KIF1B: variants seen among roughly 807,000 people sequenced by gnomAD.
The protein encoded by KIF1B is kinesin family member 1B.
A neutral mutation model predicts 241.9 loss-of-function variants in KIF1B; 76 were observed. The ratio of observed to expected loss-of-function variants is 0.31; its 90% CI spans 0.26 to 0.38. KIF1B has a LOEUF of 0.38. Among genes scored for constraint, KIF1B ranks in the 10% least tolerant of loss-of-function variants. KIF1B has a pLI of 1.00. For missense variants in KIF1B, 1,622 were observed against 2,271.4 expected, an observed-to-expected ratio of 0.71 and a Z score of 5.81; for synonymous variants, 750 against 796.7, an observed-to-expected ratio of 0.94 and a Z score of 0.99.
At chr1:10,256,588 A>G (rs75905740) in intron 3 of KIF1B, among the ~76,000 whole-genome samples, 3,893 of 152,180 alleles carry the variant, frequency 0.026, 67 homozygotes, top group South Asian at 0.062. Flanking sequence ...TACTGAATGT[A>G]CACTAAATTT....
At chr1:10,294,729 G>T (rs1051336857) in intron 17 of KIF1B, among the ~76,000 whole-genome samples, 2 of 152,100 alleles carry the variant, frequency 1.3e-5, no homozygotes, top group Non-Finnish European at 2.9e-5. Flanking sequence ...TTAGCCAGGC[G>T]TGGTGGCGAA....
At position 10,379,064 on chromosome 1, in the gene KIF1B, G is replaced by A. The variant is rs1638959351; in HGVS notation, c.*2477G>A. Reference sequence around the variant, plus strand: ...TGCTTAGAGATGGCTGCCTGGACTGGAATCAAATCTAATTTCAGGGAAATG... The same window carrying A: ...TGCTTAGAGATGGCTGCCTGGACTGAAATCAAATCTAATTTCAGGGAAATG... On this transcript the variant is annotated 3_prime_UTR_variant, in exon 49 of 49. Coordinates refer to ENST00000676179, the MANE Select transcript of KIF1B (RefSeq NM_001365951.3). The A allele has an allele frequency of 4.3e-6, 1 of 231,022 alleles. No homozygotes were observed. The highest frequency in any genetic ancestry group is 2.2e-5 in the African/African-American group (1 of 45,204). 14.3% of individuals were successfully genotyped at this position (231,022 alleles called of 1,614,324 possible).
chr1:10,282,241 A>C, intron 14 of KIF1B, 81 bp from the exon 15 acceptor site: 48 of 1,044,094 alleles, frequency 4.6e-5, no homozygotes, highest in Non-Finnish European at 6.4e-5. Flanking sequence ...TTACAACGAT[A>C]TTCCTTCCTG....
At chr1:10,263,622 T>C (rs1046631562) in intron 5 of KIF1B, among the ~76,000 whole-genome samples, 2 of 152,224 alleles carry the variant, frequency 1.3e-5, no homozygotes, top group Non-Finnish European at 2.9e-5. Context: ...CTTGTGACTG[T>C]CATACACCAA....
chr1:10,305,637 T>C (rs1279267350), intron 22 of KIF1B: 1 of 1,056,524 alleles, frequency 9.5e-7, no homozygotes, highest in South Asian at 4.6e-5. Flanking sequence ...AAGGAGATGA[T>C]ACATAATAAA....
At chr1:10,247,374 C>T (rs1414267430) in intron 2 of KIF1B, among the ~76,000 whole-genome samples, 7 of 152,034 alleles carry the variant, frequency 4.6e-5, no homozygotes, top group African/African-American at 1.7e-4. Flanking sequence ...TCTAAAATAG[C>T]CACTTCTACC....
Position 10,338,670 on chromosome 1 carries a change from G to A in KIF1B, c.3423-1099G>A, listed in dbSNP as rs936020950. Among the ~76,000 whole-genome samples, 14 of 152,338 alleles carry A rather than the reference G, an allele frequency of 9.2e-5. No individual in the cohort carries two copies. The East Asian group carries it at 2.5e-3, about 27-fold the overall frequency. On this transcript the variant is annotated intron_variant, in intron 31 of 48. Transcript: ENST00000676179. ...CTAAAAAGAGCAGCATCTCTACCTG[G>A]TGTTAGCTCTGGGGAAAAGGGCATG...
chr1:10,305,297 C>A (rs1277703226), intron 22 of KIF1B: 3 of 1,044,788 alleles, frequency 2.9e-6, no homozygotes, highest in Non-Finnish European at 3.5e-6. Flanking sequence ...ATGGTTTTTT[C>A]TTTTGAATGT....
At position 10,303,868 on chromosome 1, in the gene KIF1B, A is replaced by G; in HGVS notation, c.2115+6622A>G. On this transcript the variant is annotated intron_variant, in intron 22 of 48. Coordinates refer to ENST00000676179, the MANE Select transcript of KIF1B (RefSeq NM_001365951.3). The surrounding 1 kb of genome is among the most constrained non-coding windows in gnomAD (Gnocchi z 5.2). Reference sequence around the variant, plus strand: ...TGAGAATAATGTAAGTAAAGGAGACAATGGAGAACTTGCAAAAGAAGAACG... The same window carrying G: ...TGAGAATAATGTAAGTAAAGGAGACGATGGAGAACTTGCAAAAGAAGAACG... 6.2e-7 allele frequency: 1 copy of G among 1,614,234 alleles called. No homozygotes were observed. Among genetic ancestry groups the G allele is most frequent in the Non-Finnish European group, 8.5e-7 (1 of 1,180,036 alleles).
intron 20 of KIF1B, 39 bp from the exon 21 acceptor site, chr1:10,296,858 A>G: frequency 1.3e-6 from 2 of 1,583,840 alleles, no homozygotes; most frequent in East Asian, 2.2e-5. Flanking sequence ...ATATATTAAA[A>G]AAATTATTTC....
intron 22 of KIF1B, among the ~76,000 whole-genome samples, chr1:10,300,847 A>C (rs1381692188): frequency 6.6e-6 from 1 of 152,338 alleles, no homozygotes; most frequent in African/African-American, 2.4e-5. Context: ...ATTAATGTAG[A>C]GTCTGTGTAA....
At chr1:10,216,276 A>G (rs955539635) in intron 1 of KIF1B, among the ~76,000 whole-genome samples, 3 of 152,130 alleles carry the variant, frequency 2.0e-5, no homozygotes, top group Non-Finnish European at 2.9e-5. Context: ...TTAACTTGTC[A>G]TCATGTTAAG....
intron 41 of KIF1B, 31 bp downstream of exon 41, chr1:10,363,375 T>C (rs1465424936): frequency 1.3e-6 from 2 of 1,551,972 alleles, no homozygotes; most frequent in Admixed American, 1.7e-5. Flanking sequence ...GAGGTGATAG[T>C]TATCTTTGTG....
chr1:10,308,213 C>G, intron 22 of KIF1B: 1 of 1,061,724 alleles, frequency 9.4e-7, no homozygotes, highest in Non-Finnish European at 1.1e-6. Flanking sequence ...TCCTGGTGAA[C>G]CTTAATGAAG....
At chr1:10,321,571 C>G in intron 23 of KIF1B, 138 bp from the exon 24 acceptor site, 1 of 869,782 alleles carries the variant, frequency 1.1e-6, no homozygotes, top group Non-Finnish European at 1.9e-6. Context: ...GTAAGCTTTA[C>G]TAAAAAGAAA....
intron 5 of KIF1B, among the ~76,000 whole-genome samples, chr1:10,263,665 G>A (rs771016848): frequency 3.3e-5 from 5 of 152,264 alleles, no homozygotes; most frequent in South Asian, 2.1e-4. Flanking sequence ...CATATTTTGC[G>A]TTAAAATGAA....
rs910775676 is a variant in KIF1B, at chr1:10,379,938, C to T, written c.*3351C>T. 2.2e-5 allele frequency: 5 copies of T among 229,292 alleles called. No individual in the cohort carries two copies. The highest frequency in any genetic ancestry group is 6.2e-5 in the East Asian group (1 of 16,072). The allele number at this position is 229,292 out of a possible 1,614,324, so 14.2% of individuals were successfully genotyped here. The stretch of plus-strand genomic sequence containing the variant: ...ACCTGAGCCCCAGCTCGTTGTTAAA[C>T]GTGCTGACGGCAAGGGGCAATGGAG... On this transcript the variant is annotated 3_prime_UTR_variant, in exon 49 of 49. Transcript: ENST00000676179.
intron 22 of KIF1B, among the ~76,000 whole-genome samples, chr1:10,301,337 AT>A (rs545464798): frequency 1.7e-4 from 26 of 149,658 alleles, no homozygotes; most frequent in Admixed American, 3.3e-4. Flanking sequence ...TGAGTTGAGT[AT>A]TTTTTTTTTA....
At chr1:10,352,484 C>T (rs1274388075) in intron 37 of KIF1B, 147 bp from the exon 38 acceptor site, 9 of 671,316 alleles carry the variant, frequency 1.3e-5, no homozygotes, top group Non-Finnish European at 2.4e-5. Context: ...GTAATGGAGT[C>T]AGACCGTGGA....
Sources: allele counts gnomAD v4.1 joint callset (sites outside exome capture counted in the v4.1 genomes callset), GRCh38; gene constraint gnomAD v4.1.1; non-coding constraint Gnocchi (gnomAD v3.1); transcripts MANE v1.5; gene names NCBI Gene and HGNC (gene_info 2026-07-23, HGNC 2026-07-21).